The following PHF21B variants were observed in gnomAD, a reference collection of about 807,000 sequenced individuals.
PHF21B encodes PHD finger protein 4.
A neutral mutation model predicts 62.2 loss-of-function variants in PHF21B; 22 were observed. That is an observed-to-expected ratio of 0.35 (90% CI 0.25 to 0.51). The LOEUF is 0.51. Ranked by LOEUF, PHF21B falls within the 20% of genes least tolerant of loss-of-function variation. The pLI, the probability that PHF21B is intolerant of heterozygous loss-of-function variation, is 0.97. For synonymous variants in PHF21B, 341 were observed against 314.7 expected, an observed-to-expected ratio of 1.08 and a Z score of -0.88; for missense variants, 701 against 707.9, an observed-to-expected ratio of 0.99 and a Z score of 0.11.
At chr22:44,946,422 A>C (rs999464895) in intron 2 of PHF21B, among the ~76,000 whole-genome samples, 1 of 151,948 alleles carries the variant, frequency 6.6e-6, no homozygotes, top group African/African-American at 2.4e-5. Context: ...TCATGTCTCG[A>C]AGAGTGCTGG....
intron 5 of PHF21B, among the ~76,000 whole-genome samples, chr22:44,896,359 T>A (rs987015339): frequency 2.0e-5 from 3 of 152,090 alleles, no homozygotes; most frequent in African/African-American, 7.2e-5. Context: ...ATAGCTGGGC[T>A]AATCCTTATG....
intron 2 of PHF21B, among the ~76,000 whole-genome samples, chr22:44,921,490 C>A (rs958689395): frequency 6.6e-6 from 1 of 152,148 alleles, no homozygotes; most frequent in Admixed American, 6.5e-5. Flanking sequence ...CCTCAGCCTC[C>A]CGAGTAGCTG....
chr22:45,007,065 G>T (rs1368467405), intron 2 of PHF21B, among the ~76,000 whole-genome samples: 4 of 151,772 alleles, frequency 2.6e-5, no homozygotes, highest in African/African-American at 9.7e-5. Flanking sequence ...GGCGGGAATG[G>T]AAGCTTCCAC....
intron 4 of PHF21B, among the ~76,000 whole-genome samples, chr22:44,915,560 G>A (rs2071417059): frequency 6.6e-6 from 1 of 152,226 alleles, no homozygotes; most frequent in East Asian, 1.9e-4. Context: ...GGAGAGCCTG[G>A]AAGCACAGGA....
At chr22:44,976,002 T>C (rs1187687080) in intron 2 of PHF21B, among the ~76,000 whole-genome samples, 2 of 152,170 alleles carry the variant, frequency 1.3e-5, no homozygotes, top group Non-Finnish European at 2.9e-5. Context: ...ACCTCATCTC[T>C]ACAAAAAAAT....
intron 2 of PHF21B, chr22:45,000,752 G>A (rs970506112): frequency 6.6e-6 from 1 of 152,128 alleles, no homozygotes; most frequent in Non-Finnish European, 1.5e-5. Flanking sequence ...GCTCTCGCAT[G>A]GAAAGATCGC....
At chr22:44,930,887 G>T (rs1411335466) in intron 2 of PHF21B, among the ~76,000 whole-genome samples, 2 of 152,210 alleles carry the variant, frequency 1.3e-5, no homozygotes, top group African/African-American at 4.8e-5. Context: ...GCTGTCCGGG[G>T]CCTGCAGCCC....
intron 2 of PHF21B, among the ~76,000 whole-genome samples, chr22:44,990,975 G>A (rs1172137863): frequency 2.6e-5 from 4 of 152,198 alleles, no homozygotes; most frequent in Non-Finnish European, 5.9e-5. Context: ...ACCAACAGCG[G>A]GCCCTGCTGC....
intron 2 of PHF21B, among the ~76,000 whole-genome samples, chr22:44,984,077 CCACCATCACCAT>C (rs1450833381): frequency 1.4e-5 from 2 of 144,892 alleles, no homozygotes; most frequent in African/African-American, 5.1e-5. Flanking sequence ...ACCATCACCA[CCACCATCACCAT>C]CATCATCACC....
At chr22:44,992,917 G>A (rs1170753782) in intron 2 of PHF21B, among the ~76,000 whole-genome samples, 2 of 152,156 alleles carry the variant, frequency 1.3e-5, no homozygotes, top group Non-Finnish European at 2.9e-5. Flanking sequence ...AGGCAGTAGA[G>A]CCTCGTCCCC....
chr22:45,004,352 G>A (rs1167366343), intron 2 of PHF21B, among the ~76,000 whole-genome samples: 1 of 152,074 alleles, frequency 6.6e-6, no homozygotes, highest in East Asian at 1.9e-4. Context: ...TGAAGGGATG[G>A]AGGGGTCCAG....
intron 2 of PHF21B, among the ~76,000 whole-genome samples, chr22:44,980,985 C>T (rs1434418722): frequency 8.5e-5 from 13 of 152,244 alleles, no homozygotes; most frequent in Non-Finnish European, 1.5e-5. Context: ...TGCTGTGCTG[C>T]TTTCAAATAA....
intron 4 of PHF21B, among the ~76,000 whole-genome samples, chr22:44,915,724 C>T (rs768806036): frequency 1.3e-5 from 2 of 152,222 alleles, no homozygotes; most frequent in Non-Finnish European, 2.9e-5. Context: ...AGGCCACAGA[C>T]AGGGGACGGC....
At chr22:44,989,890 G>T (rs1271704483) in intron 2 of PHF21B, among the ~76,000 whole-genome samples, 1 of 152,180 alleles carries the variant, frequency 6.6e-6, no homozygotes, top group Non-Finnish European at 1.5e-5. Context: ...GATTACAGGC[G>T]TGAGCCACCA....
intron 2 of PHF21B, among the ~76,000 whole-genome samples, chr22:44,963,821 T>A (rs1407396784): frequency 6.6e-6 from 1 of 152,198 alleles, no homozygotes; most frequent in Non-Finnish European, 1.5e-5. Flanking sequence ...AAAGCTTCTC[T>A]CTCCATGTGG....
rs201743199 is a variant in PHF21B at position 44,987,145 on chromosome 22, G to GAC, written c.120+21398_120+21399dup. Among the ~76,000 whole-genome samples the GAC allele has an allele frequency of 1.1e-4, 16 of 152,352 alleles. No homozygotes were observed. In the East Asian group the frequency reaches 3.1e-3, roughly 29 times the overall value. ...AAACAACTTTGGTCACGGTGTAGTG[G>GAC]ACAGAGGCTGGGAGTAAAGAGACCA... On this transcript the variant is annotated intron_variant, in intron 2 of 12. Coordinates refer to ENST00000313237, the MANE Select transcript of PHF21B (RefSeq NM_138415.5).
At chr22:44,976,507 A>G (rs2072740685) in intron 2 of PHF21B, among the ~76,000 whole-genome samples, 1 of 152,260 alleles carries the variant, frequency 6.6e-6, no homozygotes. Flanking sequence ...TTTAGAAGGA[A>G]AAAAGCAAAA....
chr22:44,935,822 C>A (rs77878758), intron 2 of PHF21B, among the ~76,000 whole-genome samples: 1 of 151,996 alleles, frequency 6.6e-6, no homozygotes, highest in East Asian at 1.9e-4. Flanking sequence ...GCAGAGTTAG[C>A]GAGACTAGAA....
At chr22:44,889,835 A>G in intron 8 of PHF21B, 53 bp from the exon 9 acceptor site, 1 of 1,515,926 alleles carries the variant, frequency 6.6e-7, no homozygotes, top group Non-Finnish European at 8.8e-7. Context: ...AGAGGAGCAC[A>G]GATCAGGACT....
Sources: gnomAD v4.1 joint callset for allele counts (sites outside exome capture counted in the v4.1 genomes callset) on GRCh38, gnomAD v4.1.1 for gene constraint, MANE v1.5 for transcripts, NCBI Gene and HGNC (gene_info 2026-07-23, HGNC 2026-07-21) for gene names.